FAM13A: variants seen among roughly 807,000 people sequenced by gnomAD.
FAM13A encodes the protein protein FAM13A.
FAM13A carries 76 observed loss-of-function variants against 129.6 expected under a neutral mutation model. The ratio of observed to expected loss-of-function variants is 0.59; its 90% CI spans 0.49 to 0.71. The LOEUF is 0.71. FAM13A is among the 30% of genes least tolerant of loss of function. The pLI is 0.00. For missense variants in FAM13A, 1,108 were observed against 1,249.3 expected, an observed-to-expected ratio of 0.89 and a Z score of 1.70; for synonymous variants, 443 against 449.9, an observed-to-expected ratio of 0.98 and a Z score of 0.20.
intron 14 of FAM13A, among the ~76,000 whole-genome samples, chr4:88,757,563 TAAAC>T (rs1313190359): frequency 2.0e-5 from 3 of 152,156 alleles, no homozygotes; most frequent in Non-Finnish European, 2.9e-5. Context: ...AATTACAAAT[TAAAC>T]AACCCTGCGT....
chr4:88,922,288 C>T (rs1395852880), intron 5 of FAM13A, among the ~76,000 whole-genome samples: 4 of 151,402 alleles, frequency 2.6e-5, no homozygotes, highest in Admixed American at 2.6e-4. Flanking sequence ...CAAAATTGAC[C>T]ACATAATTGG....
chr4:88,800,649 C>T (rs372298364), intron 8 of FAM13A, among the ~76,000 whole-genome samples: 22 of 146,240 alleles, frequency 1.5e-4, no homozygotes, highest in African/African-American at 4.3e-4. Context: ...TGTGCCACTA[C>T]ACTCCAGCCC....
At chr4:88,744,450 G>A (rs959414351) in intron 19 of FAM13A, among the ~76,000 whole-genome samples, 2 of 152,202 alleles carry the variant, frequency 1.3e-5, no homozygotes, top group Non-Finnish European at 2.9e-5. Context: ...CCCTCAGAGT[G>A]CCCTGAGAAA....
chr4:88,963,295 A>C (rs986040488), intron 4 of FAM13A, among the ~76,000 whole-genome samples: 50 of 151,888 alleles, frequency 3.3e-4, no homozygotes, highest in African/African-American at 1.2e-3. Context: ...GTTTCATTTA[A>C]AATCTTTTTT....
chr4:88,853,513 T>C (rs1229988935), intron 6 of FAM13A, among the ~76,000 whole-genome samples: 2 of 152,222 alleles, frequency 1.3e-5, no homozygotes, highest in African/African-American at 2.4e-5. Flanking sequence ...GAAAAATCAA[T>C]AAAACCACTG....
At chr4:89,026,104 T>C (rs979708565) in intron 2 of FAM13A, among the ~76,000 whole-genome samples, 1 of 152,322 alleles carries the variant, frequency 6.6e-6, no homozygotes, top group East Asian at 1.9e-4. Context: ...TAGGTACCCG[T>C]AGTTGGACAT....
chr4:88,979,690 T>G (rs1761400605), intron 4 of FAM13A, among the ~76,000 whole-genome samples: 2 of 152,088 alleles, frequency 1.3e-5, no homozygotes. Flanking sequence ...AAAAAACTAA[T>G]TGGCCAGGCA....
At chr4:88,728,681 G>C (rs1344836359) in intron 23 of FAM13A, 22 bp from the exon 24 acceptor site, 2 of 1,613,488 alleles carry the variant, frequency 1.2e-6, no homozygotes, top group Non-Finnish European at 8.5e-7. Flanking sequence ...AAAGGAAAAA[G>C]GGGTCTGAGG....
chr4:89,033,728 C>G (rs1768999445), intron 1 of FAM13A, among the ~76,000 whole-genome samples: 1 of 152,144 alleles, frequency 6.6e-6, no homozygotes, highest in African/African-American at 2.4e-5. Flanking sequence ...ATTTCAGGAG[C>G]CTTGAGTTTT....
In FAM13A at chr4:88,779,833, T is replaced by C. The variant is rs141688925; in HGVS notation, c.1458+1332A>G. 2.0e-4 allele frequency among the ~76,000 whole-genome samples: 30 copies of C among 152,246 alleles called. 1 individual carries two copies. The East Asian group carries it at 5.4e-3, about 27-fold the overall frequency. On this transcript the variant is annotated intron_variant, in intron 11 of 23. Coordinates refer to ENST00000264344, the MANE Select transcript of FAM13A (RefSeq NM_014883.4). ...CACTATTCCTGGTGGAAAAAATTAATGGGTTAAATGAATGTAAAAAGGGAT... is the reference window on the plus strand; with the variant it reads ...CACTATTCCTGGTGGAAAAAATTAACGGGTTAAATGAATGTAAAAAGGGAT...
chr4:88,808,345 C>A (rs573027897), intron 7 of FAM13A, among the ~76,000 whole-genome samples: 49 of 152,174 alleles, frequency 3.2e-4, no homozygotes, highest in African/African-American at 1.1e-3. Context: ...AATGCACAAA[C>A]CAGAATGCAC....
intron 4 of FAM13A, among the ~76,000 whole-genome samples, chr4:88,950,949 T>C (rs1451648537): frequency 1.3e-5 from 2 of 152,180 alleles, no homozygotes; most frequent in Non-Finnish European, 2.9e-5. Flanking sequence ...AGAACCTGCA[T>C]TAGATAGAGC....
chr4:88,879,050 T>C (rs1743087117), intron 6 of FAM13A, among the ~76,000 whole-genome samples: 1 of 152,224 alleles, frequency 6.6e-6, no homozygotes, highest in African/African-American at 2.4e-5. Context: ...GAATGAATGT[T>C]GGGAATAAGT....
At chr4:88,861,422 T>C (rs1265927233) in intron 6 of FAM13A, among the ~76,000 whole-genome samples, 2 of 150,586 alleles carry the variant, frequency 1.3e-5, no homozygotes, top group Non-Finnish European at 3.0e-5. Context: ...AAATAATCCA[T>C]GTATCATTAT....
intron 6 of FAM13A, among the ~76,000 whole-genome samples, chr4:88,895,651 CA>C (rs1215584708): frequency 7.3e-6 from 1 of 137,402 alleles, no homozygotes; most frequent in African/African-American, 2.8e-5. Flanking sequence ...TTTATGCAGC[CA>C]AAAAACACAT....
chr4:88,940,937 A>G (rs1199382662), intron 4 of FAM13A, among the ~76,000 whole-genome samples: 1 of 152,248 alleles, frequency 6.6e-6, no homozygotes, highest in Non-Finnish European at 1.5e-5. Flanking sequence ...TCAAAGGGAC[A>G]GAGAGGATAC....
chr4:88,948,084 T>A (rs1386502303), intron 4 of FAM13A, among the ~76,000 whole-genome samples: 1 of 152,150 alleles, frequency 6.6e-6, no homozygotes, highest in African/African-American at 2.4e-5. Flanking sequence ...TTACTATGAA[T>A]GTTAAACACT....
intron 4 of FAM13A, among the ~76,000 whole-genome samples, chr4:88,988,918 T>C (rs1762590496): frequency 6.6e-6 from 1 of 152,156 alleles, no homozygotes; most frequent in South Asian, 2.1e-4. Context: ...TTGTACCACA[T>C]ACATTTCAAA....
intron 10 of FAM13A, among the ~76,000 whole-genome samples, chr4:88,782,843 G>A (rs920790213): frequency 1.3e-4 from 20 of 152,182 alleles, no homozygotes; most frequent in Non-Finnish European, 2.5e-4. Flanking sequence ...TCCACGCACT[G>A]AGAGCAGTGC....
Sources: allele counts gnomAD v4.1 joint callset (sites outside exome capture counted in the v4.1 genomes callset), GRCh38; gene constraint gnomAD v4.1.1; transcripts MANE v1.5; gene names NCBI Gene and HGNC (gene_info 2026-07-23, HGNC 2026-07-21).